Variants in TSHZ2 observed in about 807,000 individuals in gnomAD.
TSHZ2 encodes the protein teashirt homolog 2.
TSHZ2 carries 21 observed loss-of-function variants against 74.4 expected under a neutral mutation model. That is an observed-to-expected ratio of 0.28 (90% CI 0.20 to 0.41). The LOEUF (loss-of-function observed/expected upper bound fraction) is 0.41. TSHZ2 is among the 10% of genes least tolerant of loss of function. TSHZ2 has a pLI of 1.00. For missense variants in TSHZ2, 1,244 were observed against 1,293.5 expected (o/e 0.96, Z 0.59); for synonymous variants, 540 against 515.3 (o/e 1.05, Z -0.65).
At chr20:53,089,108 C>T (rs1985792729) in intron 1 of TSHZ2, among the ~76,000 whole-genome samples, 4 of 151,736 alleles carry the variant, frequency 2.6e-5, no homozygotes, top group Admixed American at 1.3e-4. Flanking sequence ...CTTGGTGATA[C>T]CTTTTTAAAT....
intron 1 of TSHZ2, among the ~76,000 whole-genome samples, chr20:53,115,104 G>T (rs1442802791): frequency 1.3e-5 from 2 of 152,140 alleles, no homozygotes; most frequent in East Asian, 3.8e-4. Flanking sequence ...TTCCACAAAT[G>T]CTCATCAAGG....
At chr20:53,334,028 A>T (rs1450696803) in intron 2 of TSHZ2, among the ~76,000 whole-genome samples, 2 of 152,208 alleles carry the variant, frequency 1.3e-5, no homozygotes, top group South Asian at 2.1e-4. Context: ...TGTTGACTAC[A>T]TGCAGATATT....
chr20:53,388,252 A>C (rs1982119348), intron 2 of TSHZ2, among the ~76,000 whole-genome samples: 1 of 152,146 alleles, frequency 6.6e-6, no homozygotes, highest in Non-Finnish European at 1.5e-5. Context: ...TAGGTGAAGA[A>C]TTTTTAAATT....
At chr20:53,017,510 G>T (rs1983082295) in intron 1 of TSHZ2, among the ~76,000 whole-genome samples, 1 of 152,084 alleles carries the variant, frequency 6.6e-6, no homozygotes, top group Non-Finnish European at 1.5e-5. Context: ...GCAAAATCAT[G>T]ATCTAATAGA....
At chr20:53,016,597 T>A (rs1162273434) in intron 1 of TSHZ2, among the ~76,000 whole-genome samples, 1 of 152,214 alleles carries the variant, frequency 6.6e-6, no homozygotes, top group East Asian at 1.9e-4. Context: ...TTTTCCTTTT[T>A]ACGGTTTCCA....
At chr20:53,342,958 T>TC (rs1400519345) in intron 2 of TSHZ2, among the ~76,000 whole-genome samples, 2 of 102,630 alleles carry the variant, frequency 1.9e-5, no homozygotes, top group African/African-American at 9.2e-5. Context: ...TTCTTTTCTT[T>TC]TTTTTTTTTT....
At chr20:53,046,059 C>A (rs1377762763) in intron 1 of TSHZ2, among the ~76,000 whole-genome samples, 2 of 152,074 alleles carry the variant, frequency 1.3e-5, no homozygotes, top group Non-Finnish European at 2.9e-5. Context: ...CCAAGGAGGG[C>A]CCCCAGATTC....
chr20:53,450,841 T>C (rs923005724), intron 2 of TSHZ2, among the ~76,000 whole-genome samples: 5 of 152,150 alleles, frequency 3.3e-5, no homozygotes, highest in Admixed American at 1.3e-4. Flanking sequence ...TTCTTTCTAG[T>C]ACCTATGCAG....
At chr20:53,277,539 G>A (rs984723385) in intron 2 of TSHZ2, among the ~76,000 whole-genome samples, 3 of 151,956 alleles carry the variant, frequency 2.0e-5, no homozygotes, top group Admixed American at 6.6e-5. Flanking sequence ...TGGTTCAGAG[G>A]ATGTATGCCA....
chr20:53,203,217 CGGAG>C (rs1156385028), intron 1 of TSHZ2, among the ~76,000 whole-genome samples: 2 of 133,820 alleles, frequency 1.5e-5, no homozygotes, highest in Non-Finnish European at 3.1e-5. Context: ...TTTTTTGAGA[CGGAG>C]TCTCACTCTG....
chr20:53,228,365 C>G (rs1989737958), intron 1 of TSHZ2, among the ~76,000 whole-genome samples: 1 of 152,260 alleles, frequency 6.6e-6, no homozygotes, highest in East Asian at 1.9e-4. Context: ...CACAGTTATT[C>G]CTGTGTTTTC....
chr20:53,185,660 G>C (rs187353552), intron 1 of TSHZ2: 7 of 1,535,888 alleles, frequency 4.6e-6, no homozygotes, highest in African/African-American at 4.1e-5. Flanking sequence ...TGGCTGCTGC[G>C]TTGCTCCATT....
chr20:53,263,358 G>C (rs1990640146), intron 2 of TSHZ2, among the ~76,000 whole-genome samples: 1 of 152,168 alleles, frequency 6.6e-6, no homozygotes. Flanking sequence ...GCCGCAAACA[G>C]TGGATACCGG....
chr20:53,464,388 G>A (rs760828055), intron 2 of TSHZ2, among the ~76,000 whole-genome samples: 1 of 152,206 alleles, frequency 6.6e-6, no homozygotes, highest in African/African-American at 2.4e-5. Context: ...AGTAGGAACT[G>A]TCTAGGTGGA....
chr20:53,045,067 T>A (rs892839649), intron 1 of TSHZ2, among the ~76,000 whole-genome samples: 1 of 151,936 alleles, frequency 6.6e-6, no homozygotes, highest in Non-Finnish European at 1.5e-5. Context: ...CAAAGAAAAA[T>A]CCCCAAATCT....
chr20:53,050,017 G>A (rs57272580), intron 1 of TSHZ2, among the ~76,000 whole-genome samples: 58,494 of 148,592 alleles, frequency 0.39, 13,261 homozygotes, highest in East Asian at 0.65. Context: ...GGAGGCGGAC[G>A]TTGCAGTGAG....
At chr20:53,363,946 A>G (rs559132637) in intron 2 of TSHZ2, among the ~76,000 whole-genome samples, 42 of 152,368 alleles carry the variant, frequency 2.8e-4, no homozygotes, top group Middle Eastern at 3.4e-3. Context: ...AGTGGTGAAC[A>G]AAACAGACAA....
At chr20:53,448,442 C>A (rs1230607511) in intron 2 of TSHZ2, among the ~76,000 whole-genome samples, 1 of 152,048 alleles carries the variant, frequency 6.6e-6, no homozygotes, top group Admixed American at 6.5e-5. Context: ...ATCAGGGAGT[C>A]CTGAGGGTTG....
At chr20:53,262,894 G>A (rs556647501) in intron 2 of TSHZ2, among the ~76,000 whole-genome samples, 1 of 152,288 alleles carries the variant, frequency 6.6e-6, no homozygotes, top group South Asian at 2.1e-4. Flanking sequence ...GCAGCCACAG[G>A]CACATGTCAC....
Sources: allele counts gnomAD v4.1 joint callset (sites outside exome capture counted in the v4.1 genomes callset), GRCh38; gene constraint gnomAD v4.1.1; transcripts MANE v1.5; gene names NCBI Gene and HGNC (gene_info 2026-07-23, HGNC 2026-07-21).